Variants in ITGA9 observed in about 807,000 individuals in gnomAD.
The protein encoded by ITGA9 is integrin alpha-9.
ITGA9 carries 56 observed loss-of-function variants against 127.8 expected under a neutral mutation model. The observed-to-expected ratio is 0.44, with a 90% CI of 0.35 to 0.55. The LOEUF is 0.55. Among genes scored for constraint, ITGA9 ranks in the 20% least tolerant of loss-of-function variants. The pLI, the probability that ITGA9 is intolerant of heterozygous loss-of-function variation, is 0.00. For missense variants in ITGA9, 1,196 were observed against 1,347.1 expected, an observed-to-expected ratio of 0.89 and a Z score of 1.76; for synonymous variants, 508 against 514.5, an observed-to-expected ratio of 0.99 and a Z score of 0.17.
At chr3:37,696,842 C>G (rs1257495534) in intron 18 of ITGA9, among the ~76,000 whole-genome samples, 4 of 152,146 alleles carry the variant, frequency 2.6e-5, no homozygotes, top group African/African-American at 9.7e-5. Context: ...ACCCTTGCTA[C>G]TCGAATATGG....
rs1575174522 is a variant in ITGA9 at position 37,632,727 on chromosome 3, A to G, written c.1839+3391A>G. 2.6e-5 allele frequency among the ~76,000 whole-genome samples: 4 copies of G among 152,350 alleles called. No homozygotes were observed. In the South Asian group the frequency reaches 6.2e-4, roughly 24 times the overall value. Reference sequence around the variant, plus strand: ...GGCAAAGAATGCAGGAATGTTGATCATGGAGGATAAGTCAGCTTACAACAG... The same window carrying G: ...GGCAAAGAATGCAGGAATGTTGATCGTGGAGGATAAGTCAGCTTACAACAG... On this transcript the variant is annotated intron_variant, in intron 16 of 27. Coordinates refer to ENST00000264741, the MANE Select transcript of ITGA9 (RefSeq NM_002207.3).
At chr3:37,669,848 G>T (rs1700620875) in intron 17 of ITGA9, among the ~76,000 whole-genome samples, 1 of 152,170 alleles carries the variant, frequency 6.6e-6, no homozygotes, top group Non-Finnish European at 1.5e-5. Context: ...CCAGACCCAA[G>T]GGAATGGAAG....
chr3:37,555,728 A>G (rs1892802), intron 15 of ITGA9, among the ~76,000 whole-genome samples: 128,635 of 152,214 alleles, frequency 0.85, 55,862 homozygotes, highest in Non-Finnish European at 0.95. Flanking sequence ...TTGCAAGTGT[A>G]CCATGGAACA....
At chr3:37,809,150 A>T (rs1251544864) in intron 27 of ITGA9, among the ~76,000 whole-genome samples, 2 of 145,386 alleles carry the variant, frequency 1.4e-5, no homozygotes, top group Non-Finnish European at 3.0e-5. Flanking sequence ...CAGTAGCATG[A>T]TCTTGACTCA....
intron 15 of ITGA9, among the ~76,000 whole-genome samples, chr3:37,582,955 T>G (rs1353254585): frequency 6.6e-6 from 1 of 152,206 alleles, no homozygotes; most frequent in African/African-American, 2.4e-5. Flanking sequence ...TATTGAAACC[T>G]TGGTGGAAAT....
chr3:37,518,686 G>A (rs1699011797), intron 10 of ITGA9, among the ~76,000 whole-genome samples: 1 of 151,498 alleles, frequency 6.6e-6, no homozygotes. Context: ...TTATTGGATG[G>A]GTCAGTGGTT....
rs1699878083 is a variant in ITGA9, at chr3:37,597,188, A to T, written c.1690-31999A>T. ...ACTGGTCATTTTGATACTGAATGGG[A>T]TTATTCTGGAGATTAAAGCAATGGA... On this transcript the variant is annotated intron_variant, in intron 15 of 27. Coordinates refer to ENST00000264741, the MANE Select transcript of ITGA9 (RefSeq NM_002207.3). The surrounding 1 kb of genome is among the most constrained non-coding windows in gnomAD (Gnocchi z 4.6). Among the ~76,000 whole-genome samples the T allele has an allele frequency of 6.6e-6, 1 of 152,210 alleles. No individual in the cohort carries two copies. The highest frequency in any genetic ancestry group is 2.4e-5 in the African/African-American group (1 of 41,452).
intron 15 of ITGA9, among the ~76,000 whole-genome samples, chr3:37,596,313 A>T (rs373437960): frequency 9.2e-5 from 14 of 152,320 alleles, no homozygotes; most frequent in Admixed American, 3.3e-4. Context: ...CCTTATCAAC[A>T]TCGAAGGTAC....
chr3:37,560,457 G>T (rs954191250), intron 15 of ITGA9, among the ~76,000 whole-genome samples: 5 of 152,170 alleles, frequency 3.3e-5, no homozygotes, highest in Non-Finnish European at 7.3e-5. Flanking sequence ...AATCCTTTGG[G>T]TATATACCCA....
chr3:37,744,895 C>T (rs1559585750), intron 22 of ITGA9, among the ~76,000 whole-genome samples: 4 of 152,348 alleles, frequency 2.6e-5, no homozygotes, highest in South Asian at 4.1e-4. Context: ...TGGGAGAAGC[C>T]GGGCTGGGGC....
At chr3:37,531,018 T>G (rs1440154915) in intron 13 of ITGA9, among the ~76,000 whole-genome samples, 1 of 152,046 alleles carries the variant, frequency 6.6e-6, no homozygotes, top group African/African-American at 2.4e-5. Context: ...CCCAAAGTGC[T>G]GGGATTACAG....
intron 15 of ITGA9, among the ~76,000 whole-genome samples, chr3:37,563,964 A>T (rs1193357341): frequency 6.6e-6 from 1 of 152,204 alleles, no homozygotes; most frequent in Non-Finnish European, 1.5e-5. Flanking sequence ...TTCCCAAAGC[A>T]TTTTTTCAAA....
chr3:37,456,514 C>G (rs765041043), intron 1 of ITGA9, among the ~76,000 whole-genome samples: 1 of 152,210 alleles, frequency 6.6e-6, no homozygotes, highest in Non-Finnish European at 1.5e-5. Context: ...GAGCGGACGT[C>G]TTTCACACCC....
chr3:37,482,332 C>T (rs1235950679), intron 4 of ITGA9, among the ~76,000 whole-genome samples: 6 of 152,232 alleles, frequency 3.9e-5, no homozygotes. Flanking sequence ...GACTTAGAAC[C>T]TTCAAATGCC....
chr3:37,686,265 G>A (rs572484339), intron 18 of ITGA9, among the ~76,000 whole-genome samples: 1 of 152,052 alleles, frequency 6.6e-6, no homozygotes, highest in African/African-American at 2.4e-5. Context: ...GGGAGGGGCA[G>A]GGGATGGGCT....
At chr3:37,747,962 A>G (rs1266648580) in intron 22 of ITGA9, 4 of 237,470 alleles carry the variant, frequency 1.7e-5, no homozygotes, top group Non-Finnish European at 3.3e-5. Context: ...GCTGGTCTCA[A>G]ACATGCCTGC....
rs1006326907 is a variant in ITGA9, at chr3:37,452,660, TC to T, written c.185+104del. The T allele has an allele frequency of 4.7e-6, 5 of 1,060,792 alleles. No homozygotes were observed. Among genetic ancestry groups the T allele is most frequent in the Non-Finnish European group, 6.3e-6 (5 of 790,020 alleles). The allele number at this position is 1,060,792 out of a possible 1,614,324, so 65.7% of individuals were successfully genotyped here. A position where few individuals can be genotyped will look rare whatever the true frequency, so the allele number is the denominator to read the frequency against. On this transcript the variant is annotated intron_variant, in intron 1 of 27. Coordinates refer to ENST00000264741, the MANE Select transcript of ITGA9 (RefSeq NM_002207.3). The surrounding 1 kb of genome is among the most constrained non-coding windows in gnomAD (Gnocchi z 7.3). ...CTTTCCGGTCTCTTCCACGCCGCCG[TC>T]CCGAGGGGGCGATTTAAATGTCTCC...
intron 17 of ITGA9, among the ~76,000 whole-genome samples, chr3:37,673,091 A>G (rs1436387153): frequency 2.0e-5 from 3 of 152,238 alleles, no homozygotes. Flanking sequence ...ATCGAAAACA[A>G]TAGGCAGTCA....
intron 4 of ITGA9, among the ~76,000 whole-genome samples, chr3:37,483,525 A>G (rs543012085): frequency 6.6e-6 from 1 of 152,358 alleles, no homozygotes; most frequent in East Asian, 1.9e-4. Context: ...AAGGCAGCCC[A>G]TGGAAGATGT....
Sources: gnomAD v4.1 joint callset for allele counts (sites outside exome capture counted in the v4.1 genomes callset) on GRCh38, gnomAD v4.1.1 for gene constraint, Gnocchi (gnomAD v3.1) non-coding constraint, MANE v1.5 for transcripts, NCBI Gene and HGNC (gene_info 2026-07-23, HGNC 2026-07-21) for gene names.